ERICH1: variants seen among roughly 807,000 people sequenced by gnomAD.
ERICH1 encodes the protein glutamate rich 1.
ERICH1 carries 56 observed loss-of-function variants against 39.6 expected under a neutral mutation model. The ratio of observed to expected loss-of-function variants is 1.41; its 90% CI spans 1.14 to 1.77. The LOEUF is 1.77. Ranked by LOEUF, ERICH1 falls within the 40% of genes most tolerant of loss-of-function variation. The pLI, the probability that ERICH1 is intolerant of heterozygous loss-of-function variation, is 0.00. For synonymous variants in ERICH1, 313 were observed against 223.6 expected, an observed-to-expected ratio of 1.40 and a Z score of -3.57; for missense variants, 826 against 575.4, an observed-to-expected ratio of 1.44 and a Z score of -4.45.
chr8:683,984 C>T (rs1007315192), intron 3 of ERICH1, among the ~76,000 whole-genome samples: 2 of 152,172 alleles, frequency 1.3e-5, no homozygotes, highest in Admixed American at 6.5e-5. Context: ...TATACATACT[C>T]AAGAAATTGT....
intron 2 of ERICH1, among the ~76,000 whole-genome samples, chr8:695,346 A>T (rs182609706): frequency 6.6e-6 from 1 of 151,952 alleles, no homozygotes; most frequent in Admixed American, 6.5e-5. Flanking sequence ...GAAAATAAAG[A>T]AATCAGAGAA....
chr8:642,790 C>G (rs1452325470), intron 3 of ERICH1, among the ~76,000 whole-genome samples: 3 of 152,062 alleles, frequency 2.0e-5, no homozygotes, highest in Non-Finnish European at 4.4e-5. Context: ...TGTGAGTGAG[C>G]CGATGTGTGC....
chr8:621,040 C>A (rs1158306160), intron 3 of ERICH1, among the ~76,000 whole-genome samples: 3 of 151,862 alleles, frequency 2.0e-5, no homozygotes, highest in East Asian at 1.9e-4. Flanking sequence ...AACTCGAATA[C>A]CTTTAAATAG....
intron 3 of ERICH1, among the ~76,000 whole-genome samples, chr8:617,783 G>A (rs541252867): frequency 1.3e-5 from 2 of 150,396 alleles, no homozygotes; most frequent in Admixed American, 1.3e-4. Flanking sequence ...TTGGTGCTCA[G>A]TCCATCCTCA....
chr8:625,451 G>A (rs1412420889), intron 3 of ERICH1, among the ~76,000 whole-genome samples: 1 of 152,136 alleles, frequency 6.6e-6, no homozygotes, highest in Non-Finnish European at 1.5e-5. Flanking sequence ...AAGAAGATTA[G>A]GGGTTGCTGG....
At chr8:717,747 T>A (rs1228368667) in intron 1 of ERICH1, among the ~76,000 whole-genome samples, 1 of 152,194 alleles carries the variant, frequency 6.6e-6, no homozygotes, top group African/African-American at 2.4e-5. Context: ...GTGGCTGAAG[T>A]CGCCTCCCCA....
chr8:730,185 T>C (rs1283757492), intron 1 of ERICH1, among the ~76,000 whole-genome samples: 3 of 152,214 alleles, frequency 2.0e-5, no homozygotes, highest in Admixed American at 2.0e-4. Flanking sequence ...ATTTTTAACC[T>C]GTGAGCTGAT....
At chr8:637,195 G>C (rs541429214) in intron 3 of ERICH1, among the ~76,000 whole-genome samples, 1 of 152,190 alleles carries the variant, frequency 6.6e-6, no homozygotes, top group Non-Finnish European at 1.5e-5. Flanking sequence ...GAAACAGGCT[G>C]GATCTGGCCA....
At chr8:672,695 G>A (rs1323770455) in intron 4 of ERICH1, among the ~76,000 whole-genome samples, 3 of 152,300 alleles carry the variant, frequency 2.0e-5, no homozygotes, top group South Asian at 2.1e-4. Flanking sequence ...TCAACAAAGC[G>A]TAGTGCAGAT....
At chr8:698,242 GGA>G (rs1810838870) in intron 2 of ERICH1, among the ~76,000 whole-genome samples, 1 of 148,892 alleles carries the variant, frequency 6.7e-6, no homozygotes, top group African/African-American at 2.5e-5. Flanking sequence ...TTTTTGAGGT[GGA>G]GTCTCACTCT....
intron 3 of ERICH1, among the ~76,000 whole-genome samples, chr8:616,774 G>A (rs1285917637): frequency 5.1e-5 from 2 of 39,468 alleles, no homozygotes; most frequent in African/African-American, 4.3e-4. Context: ...AAGACAGAGA[G>A]AGGGAGAGGG....
At chr8:707,737 AATG>A (rs1813640235) in intron 2 of ERICH1, among the ~76,000 whole-genome samples, 1 of 152,264 alleles carries the variant, frequency 6.6e-6, no homozygotes, top group African/African-American at 2.4e-5. Flanking sequence ...TTGATTAGGC[AATG>A]ATGTCTTAAA....
intron 2 of ERICH1, among the ~76,000 whole-genome samples, chr8:694,829 A>G (rs1055922191): frequency 6.6e-6 from 1 of 152,138 alleles, no homozygotes; most frequent in Non-Finnish European, 1.5e-5. Flanking sequence ...GACCGGTTAC[A>G]CTTTATGGGG....
In ERICH1 at chr8:692,607, C is replaced by T. The variant is rs988222909; in HGVS notation, c.175G>A (p.Gly59Ser). ...QKHAEPLTDT[G>S]SETPTARRLY... ...CGTCGGGCAGTCGGGGTCTCAGAGC[C>T]AGTGTCTGCAACACAGGAGGAAAAT... The change falls in exon 3 of 6, where the codon GGC becomes AGC. Residue 59 changes from glycine to serine, a missense_variant. Physicochemically the swap from Gly to Ser is moderately conservative, Grantham distance 56 (BLOSUM62 0). Coordinates refer to ENST00000262109, the MANE Select transcript of ERICH1 (RefSeq NM_207332.3). 5 of 1,595,044 alleles carry T rather than the reference C, an allele frequency of 3.1e-6. No homozygotes were observed. The East Asian group carries it at 9.1e-5, about 29-fold the overall frequency.
intron 3 of ERICH1, among the ~76,000 whole-genome samples, chr8:654,256 C>A (rs1421287691): frequency 6.6e-6 from 1 of 152,132 alleles, no homozygotes; most frequent in Non-Finnish European, 1.5e-5. Context: ...CCTAAGGCAA[C>A]GTAACCGTTC....
chr8:655,658 GCATTCCTTCCTT>G, intron 3 of ERICH1, among the ~76,000 whole-genome samples: 1 of 113,034 alleles, frequency 8.8e-6, no homozygotes, highest in South Asian at 3.6e-4. Context: ...TCTGTCCTCT[GCATTCCTTCCTT>G]CCTTCCTTCC....
At chr8:723,659 T>C (rs934812807) in intron 1 of ERICH1, among the ~76,000 whole-genome samples, 3 of 152,240 alleles carry the variant, frequency 2.0e-5, no homozygotes, top group African/African-American at 7.2e-5. Context: ...GCCTGTCTCA[T>C]TGTAATAGGC....
At position 620,165 on chromosome 8, in the gene ERICH1, A is replaced by G. The variant is rs191592949; in HGVS notation, c.977-4881T>C. ...CGTCTCTACTAAAAATACAAAAATT[A>G]GCCAGGCGTGGTGGCGCACACCTGT... On this transcript the variant is annotated intron_variant, in intron 3 of 3. Transcript: ENST00000522706. 3.0e-3 allele frequency among the ~76,000 whole-genome samples: 449 copies of G among 151,284 alleles called. 3 individuals carry two copies. Among genetic ancestry groups the G allele is most frequent in the African/African-American group, 0.011 (434 of 41,216 alleles).
intron 1 of ERICH1, among the ~76,000 whole-genome samples, chr8:729,499 G>A (rs1275093069): frequency 6.6e-6 from 1 of 152,232 alleles, no homozygotes; most frequent in Non-Finnish European, 1.5e-5. Context: ...CACAAATGCT[G>A]GGAAGTTTTA....
Sources: gnomAD v4.1 joint callset for allele counts (sites outside exome capture counted in the v4.1 genomes callset) on GRCh38, gnomAD v4.1.1 for gene constraint, MANE v1.5 for transcripts, NCBI Gene and HGNC (gene_info 2026-07-23, HGNC 2026-07-21) for gene names.